The following SPNS3 variants were observed in gnomAD, a reference collection of about 807,000 sequenced individuals.
SPNS3 encodes protein spinster homolog 3.
Under a neutral mutation model 54.4 loss-of-function variants are expected in SPNS3, and 51 were observed. That is an observed-to-expected ratio of 0.94 (90% CI 0.75 to 1.18). The LOEUF (loss-of-function observed/expected upper bound fraction) is 1.18. Among genes scored for constraint, SPNS3 ranks in the 50% most tolerant of loss-of-function variants. SPNS3 has a pLI of 0.00. For missense variants in SPNS3, 669 were observed against 677.4 expected, an observed-to-expected ratio of 0.99 and a Z score of 0.14; for synonymous variants, 309 against 294.7, an observed-to-expected ratio of 1.05 and a Z score of -0.50.
At chr17:4,436,364 C>G (rs542779669) in intron 1 of SPNS3, among the ~76,000 whole-genome samples, 2 of 152,152 alleles carry the variant, frequency 1.3e-5, no homozygotes, top group Non-Finnish European at 2.9e-5. Flanking sequence ...AGGTCAGGAG[C>G]TTCTCCTCAC....
chr17:4,451,678 T>G (rs1971170491), intron 7 of SPNS3, among the ~76,000 whole-genome samples: 2 of 151,834 alleles, frequency 1.3e-5, no homozygotes, highest in African/African-American at 4.8e-5. Context: ...TTGTTTTGTT[T>G]TGTTTTTGAG....
Position 4,462,135 on chromosome 17 carries a change from AT to A in SPNS3, c.1113+8931del, listed in dbSNP as rs1567566042. ...CATCCATCCATCCATCCATCCATCC[AT>A]CCATCCATCCATCCATCCATCCATC... is the stretch of plus-strand genomic sequence containing the variant. On this transcript the variant is annotated intron_variant, in intron 8 of 11. Coordinates refer to ENST00000355530, the MANE Select transcript of SPNS3 (RefSeq NM_182538.5). 6.4e-3 allele frequency among the ~76,000 whole-genome samples: 3 copies of A among 472 alleles called. 1 individual carries two copies. Among genetic ancestry groups the A allele is most frequent in the East Asian group, 0.021 (2 of 94 alleles). The allele number at this position is 472 out of a possible 152,430, so 0.3% of individuals were successfully genotyped here. A position where few individuals can be genotyped will look rare whatever the true frequency, so the allele number is the denominator to read the frequency against.
intron 7 of SPNS3, among the ~76,000 whole-genome samples, chr17:4,450,939 T>C (rs1056795268): frequency 2.0e-5 from 3 of 151,894 alleles, no homozygotes; most frequent in Non-Finnish European, 4.4e-5. Flanking sequence ...CTCTCTTGGC[T>C]GTAAGAGTCT....
chr17:4,449,623 C>T, intron 7 of SPNS3, among the ~76,000 whole-genome samples: 1 of 152,040 alleles, frequency 6.6e-6, no homozygotes, highest in East Asian at 1.9e-4. Context: ...GCTGAATTCC[C>T]CATATCTCCA....
chr17:4,436,978 G>A (rs1418110770), intron 1 of SPNS3, among the ~76,000 whole-genome samples: 1 of 152,214 alleles, frequency 6.6e-6, no homozygotes, highest in Non-Finnish European at 1.5e-5. Flanking sequence ...GAGGTCCCTG[G>A]CTGGGCCCTA....
chr17:4,444,846 G>GGGCTGC lies in SPNS3; in HGVS notation c.266-179_266-174dup, dbSNP rs1597306096. ...GGCCAGATTGAGGCCTCCACACTCTGGGCTGCGGCTGCATGTTGGCCACGC... is the reference window on the plus strand; with the variant it reads ...GGCCAGATTGAGGCCTCCACACTCTGGGCTGCGGCTGCGGCTGCATGTTGGCCACGC... On this transcript the variant is annotated intron_variant, in intron 2 of 11. Transcript: ENST00000355530. The GGGCTGC allele has an allele frequency of 1.1e-5, 8 of 708,912 alleles. No homozygotes were observed. The East Asian group carries it at 2.1e-4, about 18-fold the overall frequency. The allele number at this position is 708,912 out of a possible 1,614,324, so 43.9% of individuals were successfully genotyped here.
chr17:4,477,199 G>A (rs946001038), intron 8 of SPNS3, among the ~76,000 whole-genome samples: 7 of 152,250 alleles, frequency 4.6e-5, no homozygotes, highest in African/African-American at 1.7e-4. Flanking sequence ...GACGTGGCTT[G>A]ATGCATGCCC....
rs373836833 is a variant in SPNS3, at chr17:4,441,983, A to AGTGTGTGTGTGTGTGTGTGTGTGT, written c.265+2271_265+2294dup. ...ACAAGTCCTGGGCCACGGAGGGAGA[A>AGTGTGTGTGTGTGTGTGTGTGTGT]GTGTGTGTGTGTGTGTGTGTGTGTG... On this transcript the variant is annotated intron_variant, in intron 2 of 11. Coordinates refer to ENST00000355530, the MANE Select transcript of SPNS3 (RefSeq NM_182538.5). 4.9e-3 allele frequency among the ~76,000 whole-genome samples: 680 copies of AGTGTGTGTGTGTGTGTGTGTGTGT among 139,060 alleles called. 12 individuals carry two copies. The highest frequency in any genetic ancestry group is 6.1e-3 in the Non-Finnish European group (396 of 64,688). The allele number at this position is 139,060 out of a possible 152,430, so 91.2% of individuals were successfully genotyped here. A position where few individuals can be genotyped will look rare whatever the true frequency, so the allele number is the denominator to read the frequency against.
At chr17:4,480,554 C>T (rs1184252263) in intron 9 of SPNS3, among the ~76,000 whole-genome samples, 2 of 152,202 alleles carry the variant, frequency 1.3e-5, no homozygotes, top group Non-Finnish European at 2.9e-5. Flanking sequence ...GACAGCCCCA[C>T]AGATATGTGA....
intron 8 of SPNS3, among the ~76,000 whole-genome samples, chr17:4,454,036 C>T (rs976286987): frequency 6.6e-6 from 1 of 152,196 alleles, no homozygotes; most frequent in Non-Finnish European, 1.5e-5. Flanking sequence ...CTCTTTTGTG[C>T]ATCCTGAAAT....
At chr17:4,482,835 C>G (rs1972205743) in intron 9 of SPNS3, among the ~76,000 whole-genome samples, 1 of 152,206 alleles carries the variant, frequency 6.6e-6, no homozygotes, top group Non-Finnish European at 1.5e-5. Flanking sequence ...CACCCCAATC[C>G]CCCTCCAGGC....
chr17:4,471,988 A>T (rs1297687402), intron 8 of SPNS3, among the ~76,000 whole-genome samples: 1 of 151,910 alleles, frequency 6.6e-6, no homozygotes, highest in East Asian at 1.9e-4. Context: ...CCTCCCGAGT[A>T]GCTGGGACTA....
chr17:4,470,254 C>G (rs939618891), intron 8 of SPNS3, among the ~76,000 whole-genome samples: 3 of 151,968 alleles, frequency 2.0e-5, no homozygotes, highest in Non-Finnish European at 4.4e-5. Flanking sequence ...CATGGTGAAA[C>G]CCCGTCTCTA....
At chr17:4,482,078 G>C (rs184568) in intron 9 of SPNS3, 3 of 151,104 alleles carry the variant, frequency 2.0e-5, no homozygotes, top group African/African-American at 4.9e-5. Context: ...TAGTAGAGAC[G>C]GGGTTCACCA....
intron 4 of SPNS3, chr17:4,446,604 G>A: frequency 3.7e-6 from 2 of 542,494 alleles, no homozygotes; most frequent in South Asian, 4.6e-5. Context: ...TCCTGAACTT[G>A]CCTGACTCAA....
rs1026688376 is a variant in SPNS3, at chr17:4,483,650, C to G, written c.1180-2578C>G. ...TCCCAGAGCCACCAGTGAGTAATCACATAATTATGGGGTGAGAAGGAAGTC... is the reference window on the plus strand; with the variant it reads ...TCCCAGAGCCACCAGTGAGTAATCAGATAATTATGGGGTGAGAAGGAAGTC... On this transcript the variant is annotated intron_variant, in intron 9 of 11. Transcript: ENST00000355530. This position sits in a 1 kb window ranked among gnomAD's most constrained non-coding sequence, Gnocchi z 4.2. 6.6e-6 allele frequency: 1 copy of G among 152,306 alleles called. No homozygotes were observed. The highest frequency in any genetic ancestry group is 1.5e-5 in the Non-Finnish European group (1 of 68,084). 9.4% of individuals were successfully genotyped at this position (152,306 alleles called of 1,614,324 possible).
At chr17:4,451,510 G>A (rs1005005793) in intron 7 of SPNS3, among the ~76,000 whole-genome samples, 18 of 152,166 alleles carry the variant, frequency 1.2e-4, no homozygotes, top group Non-Finnish European at 1.0e-4. Context: ...ATCGGTCAGC[G>A]TGGACCAGTC....
At chr17:4,456,704 G>GTTTTTGTGTTTTTTTTGGTTTTTT (rs2144087607) in intron 8 of SPNS3, among the ~76,000 whole-genome samples, 1 of 142,372 alleles carries the variant, frequency 7.0e-6, no homozygotes, top group Admixed American at 6.8e-5. Context: ...TTTGGTTTTT[G>GTTTTTGTGTTTTTTTTGGTTTTTT]TTTTTGTGTT....
At chr17:4,480,146 C>T (rs1022595969) in intron 9 of SPNS3, among the ~76,000 whole-genome samples, 1 of 152,210 alleles carries the variant, frequency 6.6e-6, no homozygotes, top group Non-Finnish European at 1.5e-5. Flanking sequence ...CCAGGCCCAG[C>T]GAGTGTGGAG....
Sources: gnomAD v4.1 joint callset for allele counts (sites outside exome capture counted in the v4.1 genomes callset) on GRCh38, gnomAD v4.1.1 for gene constraint, Gnocchi (gnomAD v3.1) non-coding constraint, MANE v1.5 for transcripts, NCBI Gene and HGNC (gene_info 2026-07-23, HGNC 2026-07-21) for gene names.